SH3RF2: variants seen among roughly 807,000 people sequenced by gnomAD.
The protein encoded by SH3RF2 is E3 ubiquitin-protein ligase SH3RF2.
A neutral mutation model predicts 59.0 loss-of-function variants in SH3RF2; 43 were observed. The ratio of observed to expected loss-of-function variants is 0.73; its 90% CI spans 0.57 to 0.94. The LOEUF is 0.94. Among genes scored for constraint, SH3RF2 ranks in the 40% least tolerant of loss-of-function variants. The pLI, the probability that SH3RF2 is intolerant of heterozygous loss-of-function variation, is 0.00. For missense variants in SH3RF2, 930 were observed against 940.1 expected (o/e 0.99, Z 0.14); for synonymous variants, 391 against 391.5 (o/e 1.00, Z 0.01).
rs142198129 is a variant in SH3RF2 at position 145,968,402 on chromosome 5, A to G, written c.378+30096A>G. Reference sequence around the variant, plus strand: ...TTAGCTCTAAATATTCTAATAAAATATGTCCCAAAAGTACAGCTAAGTGAG... The same window carrying G: ...TTAGCTCTAAATATTCTAATAAAATGTGTCCCAAAAGTACAGCTAAGTGAG... On this transcript the variant is annotated intron_variant, in intron 2 of 9. Transcript: ENST00000359120. 9.0e-3 allele frequency among the ~76,000 whole-genome samples: 1,364 copies of G among 152,316 alleles called. 15 individuals carry two copies. The highest frequency in any genetic ancestry group is 0.031 in the African/African-American group (1,282 of 41,568).
In SH3RF2 at chr5:146,013,917, G is replaced by C; in HGVS notation, c.915G>C (p.Leu305Phe). 1 of 1,614,092 alleles carries C rather than the reference G, an allele frequency of 6.2e-7. No individual in the cohort carries two copies. Among genetic ancestry groups the C allele is most frequent in the Non-Finnish European group, 8.5e-7 (1 of 1,180,018 alleles). The change falls in exon 5 of 10, where the codon TTG (leucine) becomes TTC (phenylalanine). Residue 305 changes from leucine to phenylalanine, a missense_variant. Transcript: ENST00000359120. ...GGCAGTTTTCCATCACAACAGCCTT[G>C]AACACTCTCAACCGGATGGTCCATT... The part of the protein sequence containing the change: ...VPGQFSITTA[L>F]NTLNRMVHSP...
intron 2 of SH3RF2, among the ~76,000 whole-genome samples, chr5:145,977,666 T>G (rs888274192): frequency 3.3e-5 from 5 of 152,248 alleles, no homozygotes; most frequent in African/African-American, 1.2e-4. Flanking sequence ...TACTATCAGC[T>G]TGCTGAGATG....
chr5:145,953,103 G>GTC (rs58627935), intron 2 of SH3RF2, among the ~76,000 whole-genome samples: 111 of 146,098 alleles, frequency 7.6e-4, no homozygotes, highest in Admixed American at 2.4e-3. Context: ...AACACCAACA[G>GTC]TCTCTCTCTC....
intron 5 of SH3RF2, among the ~76,000 whole-genome samples, chr5:146,039,729 G>A (rs1762061505): frequency 6.6e-6 from 1 of 152,104 alleles, no homozygotes; most frequent in Non-Finnish European, 1.5e-5. Context: ...ATACCCTTTG[G>A]CCCATCAATT....
At chr5:145,948,598 A>T (rs1168320719) in intron 2 of SH3RF2, among the ~76,000 whole-genome samples, 1 of 152,250 alleles carries the variant, frequency 6.6e-6, no homozygotes, top group East Asian at 1.9e-4. Context: ...TGTCTGAAGA[A>T]GACCACCTAG....
chr5:146,026,305 C>A (rs1580880340), intron 5 of SH3RF2, among the ~76,000 whole-genome samples: 1 of 152,126 alleles, frequency 6.6e-6, no homozygotes. Flanking sequence ...GTGGCAGTAA[C>A]CTTTATTTGC....
intron 5 of SH3RF2, among the ~76,000 whole-genome samples, chr5:146,022,609 C>T (rs1475008473): frequency 1.3e-5 from 2 of 152,196 alleles, no homozygotes; most frequent in South Asian, 2.1e-4. Context: ...CACGGTGGCT[C>T]ATGCCTGTAA....
intron 2 of SH3RF2, among the ~76,000 whole-genome samples, chr5:145,992,009 G>A (rs1189142379): frequency 6.6e-6 from 1 of 152,168 alleles, no homozygotes; most frequent in Non-Finnish European, 1.5e-5. Flanking sequence ...AAATCAGTCA[G>A]GGGTGGGATC....
chr5:146,073,277 C>G (rs1763273712), intron 9 of SH3RF2, among the ~76,000 whole-genome samples: 2 of 152,258 alleles, frequency 1.3e-5, no homozygotes, highest in African/African-American at 4.8e-5. Context: ...ACCTCATCTG[C>G]TGAAGGTTTC....
rs1437377593 is a variant in SH3RF2, at chr5:146,017,662, A to G, written c.1059+3601A>G. ...GAAAGCTCTTTTTCCCTCACCTCCT[A>G]CATTCAGCTAATCAGTAAGCTCATT... On this transcript the variant is annotated intron_variant, in intron 5 of 9. Coordinates refer to ENST00000359120, the MANE Select transcript of SH3RF2 (RefSeq NM_152550.4). 2.0e-5 allele frequency among the ~76,000 whole-genome samples: 3 copies of G among 152,064 alleles called. No homozygotes were observed. In the East Asian group the frequency reaches 5.8e-4, roughly 29 times the overall value.
intron 2 of SH3RF2, among the ~76,000 whole-genome samples, chr5:145,965,971 T>C (rs1321843419): frequency 2.0e-5 from 3 of 151,636 alleles, no homozygotes; most frequent in African/African-American, 4.8e-5. Flanking sequence ...AACCAAAGAG[T>C]TGGGCAAGAG....
intron 9 of SH3RF2, among the ~76,000 whole-genome samples, 173 bp from the exon 10 acceptor site, chr5:146,062,253 T>C (rs1762922973): frequency 6.6e-6 from 1 of 152,188 alleles, no homozygotes; most frequent in Non-Finnish European, 1.5e-5. Flanking sequence ...AGTTAGATGC[T>C]CCTCTGCATT....
intron 5 of SH3RF2, among the ~76,000 whole-genome samples, chr5:146,035,105 C>CAA (rs34472730): frequency 3.0e-5 from 4 of 135,312 alleles, no homozygotes; most frequent in Admixed American, 2.2e-4. Context: ...GACTCTGTTT[C>CAA]AAAAAAAAAA....
chr5:145,966,947 A>G lies in SH3RF2; in HGVS notation c.378+28641A>G, dbSNP rs1758880701. Among the ~76,000 whole-genome samples the G allele has an allele frequency of 2.6e-5, 4 of 152,158 alleles. No homozygotes were observed. The South Asian group carries it at 6.2e-4, about 24-fold the overall frequency. On this transcript the variant is annotated intron_variant, in intron 2 of 9. Transcript: ENST00000359120. ...TGAGGTGGGAGCATCGCTTGAGCCC[A>G]GGAGTAGAGGCTGCAGTGAGCTAAG...
Position 146,004,124 on chromosome 5 carries a change from G to A in SH3RF2, c.715G>A (p.Val239Ile), listed in dbSNP as rs959511833. ...GGCAGAAGGCAAGTTAGGAGATAAA[G>A]TAGGCATCTTCCCTATCTTGTTTGT... ...NWAEGKLGDK[V>I]GIFPILFVEP... Residue 239 changes from valine to isoleucine, a missense_variant, in exon 4 of 10, where the codon GTA (valine) becomes ATA (isoleucine). Coordinates refer to ENST00000359120, the MANE Select transcript of SH3RF2 (RefSeq NM_152550.4). 1.2e-6 allele frequency: 2 copies of A among 1,612,760 alleles called. No homozygotes were observed. The highest frequency in any genetic ancestry group is 2.7e-5 in the African/African-American group (2 of 74,894).
In SH3RF2 at chr5:145,956,858, G is replaced by A. The variant is rs77813233; in HGVS notation, c.378+18552G>A. The stretch of plus-strand genomic sequence containing the variant: ...AAATGTGACAGAGCTTACTTCAGAT[G>A]GCTTCAGTATATCTGCTCTCAAACA... On this transcript the variant is annotated intron_variant, in intron 2 of 9. Coordinates refer to ENST00000359120, the MANE Select transcript of SH3RF2 (RefSeq NM_152550.4). Among the ~76,000 whole-genome samples, 1,483 of 152,268 alleles carry A rather than the reference G, an allele frequency of 9.7e-3. 24 individuals carry two copies. Among genetic ancestry groups the A allele is most frequent in the African/African-American group, 0.034 (1,405 of 41,542 alleles).
intron 2 of SH3RF2, among the ~76,000 whole-genome samples, chr5:145,956,501 C>G (rs1355137476): frequency 6.6e-6 from 1 of 152,122 alleles, no homozygotes; most frequent in Non-Finnish European, 1.5e-5. Context: ...GTCTCAAACT[C>G]CTGACCTCAA....
intron 2 of SH3RF2, among the ~76,000 whole-genome samples, chr5:145,938,528 G>C (rs1023057001): frequency 6.6e-6 from 1 of 152,118 alleles, no homozygotes; most frequent in Non-Finnish European, 1.5e-5. Context: ...AAGCTTCCTA[G>C]GTTCTCCTTT....
chr5:146,054,629 G>A (rs1462315692), intron 7 of SH3RF2, among the ~76,000 whole-genome samples: 2 of 152,226 alleles, frequency 1.3e-5, no homozygotes, highest in Non-Finnish European at 2.9e-5. Flanking sequence ...CCCTTGCTGC[G>A]ACCATCAGTT....
Sources: allele counts gnomAD v4.1 joint callset (sites outside exome capture counted in the v4.1 genomes callset), GRCh38; gene constraint gnomAD v4.1.1; transcripts MANE v1.5; gene names NCBI Gene and HGNC (gene_info 2026-07-23, HGNC 2026-07-21).